Variants in DMD observed in about 807,000 individuals in gnomAD.
The protein encoded by DMD is dystrophin.
DMD carries 63 observed loss-of-function variants against 330.1 expected under a neutral mutation model. That is an observed-to-expected ratio of 0.19 (90% CI 0.16 to 0.24). The LOEUF (loss-of-function observed/expected upper bound fraction) is 0.24. Among genes scored for constraint, DMD ranks in the 10% least tolerant of loss-of-function variants. DMD has a pLI of 1.00. For missense variants in DMD, 3,344 were observed against 2,684.1 expected (o/e 1.25, Z -5.43); for synonymous variants, 1,223 against 959.8 (o/e 1.27, Z -5.07).
At chrX:31,833,863 T>C (rs1333067537) in intron 49 of DMD, among the ~76,000 whole-genome samples, 1 of 111,674 alleles carries the variant, frequency 9.0e-6, no homozygotes. Flanking sequence ...TAATTATGCA[T>C]TTAAATACTA....
intron 2 of DMD, among the ~76,000 whole-genome samples, chrX:33,006,193 G>A (rs1014869225): frequency 3.6e-5 from 4 of 111,382 alleles, no homozygotes; most frequent in Non-Finnish European, 7.6e-5. Flanking sequence ...CAGATTTAAC[G>A]CAATCCCAAT....
intron 44 of DMD, among the ~76,000 whole-genome samples, chrX:32,113,148 G>A (rs768441475): frequency 5.3e-5 from 6 of 112,606 alleles, no homozygotes; most frequent in Admixed American, 9.4e-5. Flanking sequence ...GAATAGTTAC[G>A]TTTGCACCTG....
At chrX:32,339,756 T>C (rs1265536264) in intron 41 of DMD, among the ~76,000 whole-genome samples, 1 of 111,989 alleles carries the variant, frequency 8.9e-6, no homozygotes, top group Non-Finnish European at 1.9e-5. Context: ...ATTTTAAGAG[T>C]ACCGCTTACT....
chrX:32,598,246 C>T (rs5928038), intron 12 of DMD, among the ~76,000 whole-genome samples: 6,951 of 111,778 alleles, frequency 0.062, 215 homozygotes, highest in Middle Eastern at 0.11. Context: ...ATCTATACTG[C>T]CTATCATGCC....
Position 32,628,258 on chromosome X carries a change from A to ATTTTTTTTTT in DMD, c.1332-13815_1332-13806dup, listed in dbSNP as rs1170760390. On this transcript the variant is annotated intron_variant, in intron 11 of 78. Coordinates refer to ENST00000357033, the MANE Select transcript of DMD (RefSeq NM_004006.3). ...TATCTCCATGAGTTCAGTTGTTTTAATTTTTTTTTTTTTTTTTTTTTTTTT... is the reference window on the plus strand; with the variant it reads ...TATCTCCATGAGTTCAGTTGTTTTAATTTTTTTTTTTTTTTTTTTTTTTTTTTTTTTTTTT... Among the ~76,000 whole-genome samples, 82 of 15,354 alleles carry ATTTTTTTTTT rather than the reference A, an allele frequency of 5.3e-3. 17 individuals are homozygous for ATTTTTTTTTT. Among genetic ancestry groups the ATTTTTTTTTT allele is most frequent in the East Asian group, 6.7e-3 (3 of 451 alleles). 13.3% of individuals were successfully genotyped at this position (15,354 alleles called of 115,157 possible).
chrX:32,998,311 G>T lies in DMD; in HGVS notation c.93+21828C>A, dbSNP rs2093179507. On this transcript the variant is annotated intron_variant, in intron 2 of 78. Transcript: ENST00000357033. ...TCAAACCCGGGAGGTTGAAGCTATAGTGAGACAAGATTGCATTACCACACT... is the reference window on the plus strand; with the variant it reads ...TCAAACCCGGGAGGTTGAAGCTATATTGAGACAAGATTGCATTACCACACT... Among the ~76,000 whole-genome samples, 3 of 93,774 alleles carry T rather than the reference G, an allele frequency of 3.2e-5. No homozygotes were observed. The East Asian group carries it at 1.1e-3, about 35-fold the overall frequency. The allele number at this position is 93,774 out of a possible 115,157, so 81.4% of individuals were successfully genotyped here.
chrX:31,673,761 C>T (rs951484966), intron 53 of DMD, among the ~76,000 whole-genome samples: 2 of 111,654 alleles, frequency 1.8e-5, no homozygotes, highest in Non-Finnish European at 3.8e-5. Context: ...ACAATCAAAG[C>T]ATAAAGTTAT....
intron 48 of DMD, among the ~76,000 whole-genome samples, chrX:31,846,727 C>T (rs1183947577): frequency 9.0e-6 from 1 of 111,048 alleles, no homozygotes; most frequent in Non-Finnish European, 1.9e-5. Flanking sequence ...TGACTAGCAT[C>T]CTTCTCTATC....
At chrX:32,506,391 C>A (rs2044624765) in intron 18 of DMD, among the ~76,000 whole-genome samples, 1 of 91,539 alleles carries the variant, frequency 1.1e-5, no homozygotes, top group Non-Finnish European at 2.1e-5. Flanking sequence ...ATTAGGAATA[C>A]TGGATTCAAT....
intron 55 of DMD, among the ~76,000 whole-genome samples, chrX:31,575,121 G>C (rs896115604): frequency 2.7e-5 from 3 of 111,671 alleles, no homozygotes; most frequent in African/African-American, 9.7e-5. Flanking sequence ...CGGTGTTTCA[G>C]TATCTTCTTG....
intron 2 of DMD, among the ~76,000 whole-genome samples, chrX:32,853,073 A>C (rs1203971550): frequency 8.9e-6 from 1 of 112,460 alleles, no homozygotes; most frequent in Non-Finnish European, 1.9e-5. Context: ...CCATATTTAA[A>C]GTGCTGAAGG....
At chrX:32,252,923 T>G (rs1313444457) in intron 43 of DMD, among the ~76,000 whole-genome samples, 2 of 87,732 alleles carry the variant, frequency 2.3e-5, no homozygotes, top group East Asian at 6.6e-4. Flanking sequence ...TATATATAGA[T>G]ATATAAATAT....
intron 7 of DMD, among the ~76,000 whole-genome samples, chrX:32,809,049 G>C (rs905830948): frequency 1.8e-5 from 2 of 111,961 alleles, no homozygotes; most frequent in Admixed American, 1.9e-4. Flanking sequence ...CAGAAGTAGT[G>C]GCAGGAATAG....
chrX:31,323,885 C>T (rs1192087548), intron 61 of DMD, among the ~76,000 whole-genome samples: 1 of 110,656 alleles, frequency 9.0e-6, no homozygotes, highest in African/African-American at 3.3e-5. Flanking sequence ...AAAAAAAACC[C>T]ACAAACATTT....
chrX:32,299,335 G>A (rs1470070115), intron 42 of DMD, among the ~76,000 whole-genome samples: 1 of 110,428 alleles, frequency 9.1e-6, no homozygotes, highest in Admixed American at 9.7e-5. Context: ...ACACTTTCAA[G>A]CCCATCTTTT....
chrX:31,664,671 T>G (rs906562098), intron 53 of DMD, among the ~76,000 whole-genome samples: 3 of 105,962 alleles, frequency 2.8e-5, no homozygotes, highest in Non-Finnish European at 5.8e-5. Flanking sequence ...TAAGTTTTTT[T>G]TTTTTTTTTT....
intron 1 of DMD, among the ~76,000 whole-genome samples, chrX:33,207,664 T>C (rs1478158349): frequency 2.7e-5 from 3 of 111,543 alleles, no homozygotes; most frequent in Non-Finnish European, 5.7e-5. Flanking sequence ...CTTTGATATC[T>C]GTATTAAAAT....
intron 1 of DMD, among the ~76,000 whole-genome samples, chrX:33,051,580 T>C (rs2094457213): frequency 9.2e-6 from 1 of 109,208 alleles, no homozygotes; most frequent in Admixed American, 9.9e-5. Context: ...TTTGATATAC[T>C]CTATATGGAA....
chrX:32,957,196 TG>T (rs2091645287), intron 2 of DMD, among the ~76,000 whole-genome samples: 1 of 111,636 alleles, frequency 9.0e-6, no homozygotes, highest in African/African-American at 3.3e-5. Context: ...TTGTTTTTCT[TG>T]TATCTCTATC....
Sources: allele counts gnomAD v4.1 joint callset (sites outside exome capture counted in the v4.1 genomes callset), GRCh38; gene constraint gnomAD v4.1.1; transcripts MANE v1.5; gene names NCBI Gene and HGNC (gene_info 2026-07-23, HGNC 2026-07-21).